Variants in VPS13A observed in about 807,000 individuals in gnomAD.
The protein encoded by VPS13A is intermembrane lipid transfer protein VPS13A.
VPS13A carries 264 observed loss-of-function variants against 390.9 expected under a neutral mutation model. The ratio of observed to expected loss-of-function variants is 0.68; its 90% CI spans 0.61 to 0.75. The LOEUF is 0.75. VPS13A is among the 30% of genes least tolerant of loss of function. The pLI is 0.00. For missense variants in VPS13A, 3,409 were observed against 3,733.9 expected (o/e 0.91, Z 2.27); for synonymous variants, 1,231 against 1,227.1 (o/e 1.00, Z -0.07).
chr9:77,232,306 T>G (rs780313167), intron 17 of VPS13A, among the ~76,000 whole-genome samples: 32 of 152,304 alleles, frequency 2.1e-4, no homozygotes, highest in Non-Finnish European at 4.1e-4. Context: ...AAAGTGTCTC[T>G]TTGAAATTTG....
intron 19 of VPS13A, among the ~76,000 whole-genome samples, chr9:77,242,653 C>G (rs561257956): frequency 6.6e-6 from 1 of 151,934 alleles, no homozygotes; most frequent in South Asian, 2.1e-4. Flanking sequence ...TACTTCTAGT[C>G]AGTTTTTCTT....
chr9:77,319,803 A>G (rs1564725821), intron 42 of VPS13A, 130 bp downstream of exon 42: 15 of 529,406 alleles, frequency 2.8e-5, no homozygotes, highest in South Asian at 9.0e-5. Flanking sequence ...TATACCACCT[A>G]CTTCTGCACA....
chr9:77,351,491 A>AG, intron 53 of VPS13A, 45 bp downstream of exon 53: 1 of 1,605,484 alleles, frequency 6.2e-7, no homozygotes, highest in Non-Finnish European at 8.5e-7. Context: ...CTTTTTTAAA[A>AG]AAGGTATTTG....
intron 31 of VPS13A, among the ~76,000 whole-genome samples, chr9:77,290,753 A>G (rs1395487857): frequency 6.6e-6 from 1 of 152,086 alleles, no homozygotes; most frequent in African/African-American, 2.4e-5. Context: ...CATTTATGTT[A>G]CCATGTTTTT....
At chr9:77,266,531 CTGT>C (rs1826046582) in intron 23 of VPS13A, among the ~76,000 whole-genome samples, 1 of 151,998 alleles carries the variant, frequency 6.6e-6, no homozygotes, top group South Asian at 2.1e-4. Flanking sequence ...GAGAGCTCTG[CTGT>C]TAGTCTGATG....
chr9:77,253,824 T>G (rs1056210436), intron 22 of VPS13A, among the ~76,000 whole-genome samples: 1 of 152,102 alleles, frequency 6.6e-6, no homozygotes, highest in Admixed American at 6.6e-5. Flanking sequence ...ATAAAGCTTT[T>G]CTTCTTTGTT....
rs1368834526 is a variant in VPS13A at position 77,321,227 on chromosome 9, A to G, written c.5474A>G (p.Lys1825Arg). The change falls in exon 43 of 72, where the codon AAA becomes AGA. Residue 1825 changes from lysine to arginine, a missense_variant. Physicochemically the swap from Lys to Arg is conservative, Grantham distance 26. Around this residue, in one of 5 missense-constraint regions of VPS13A, gnomAD observed 2,717 missense variants for 2,917.4 expected, o/e 0.93. Transcript: ENST00000360280. ...VESDPEEENY[K>R]VPEYKTVISF... Reference sequence around the variant, plus strand: ...TCAGATCCTGAAGAAGAAAACTACAAAGTGCCAGAATATAAAACTGTCATC... The same window carrying G: ...TCAGATCCTGAAGAAGAAAACTACAGAGTGCCAGAATATAAAACTGTCATC... 7 of 1,612,582 alleles carry G rather than the reference A, an allele frequency of 4.3e-6. No individual in the cohort carries two copies. The highest frequency in any genetic ancestry group is 5.9e-6 in the Non-Finnish European group (7 of 1,179,228).
intron 19 of VPS13A, among the ~76,000 whole-genome samples, chr9:77,245,871 C>G (rs1191645132): frequency 1.3e-5 from 2 of 152,194 alleles, no homozygotes; most frequent in Non-Finnish European, 2.9e-5. Context: ...AAGCATGACT[C>G]CAGCATCTGC....
Position 77,304,041 on chromosome 9 carries a change from C to T in VPS13A, c.3960+979C>T, listed in dbSNP as rs548020408. On this transcript the variant is annotated intron_variant, in intron 34 of 71. Transcript: ENST00000360280. ...TGGGGGACGGTCAGGTCTTTCTCAT[C>T]CCACGAGGCCATATTTCAGACTATC... Among the ~76,000 whole-genome samples, 4 of 152,238 alleles carry T rather than the reference C, an allele frequency of 2.6e-5. No homozygotes were observed. The East Asian group carries it at 7.7e-4, about 29-fold the overall frequency.
intron 68 of VPS13A, chr9:77,389,767 C>T (rs1833833655): frequency 6.6e-6 from 1 of 152,096 alleles, no homozygotes; most frequent in Non-Finnish European, 1.5e-5. Flanking sequence ...TTCATTGTGT[C>T]TGAATGTTGA....
intron 54 of VPS13A, among the ~76,000 whole-genome samples, chr9:77,354,794 C>T (rs1458590709): frequency 6.6e-6 from 1 of 152,120 alleles, no homozygotes; most frequent in Admixed American, 6.6e-5. Flanking sequence ...CTTCCAGAGA[C>T]CCATCTCACC....
intron 33 of VPS13A, among the ~76,000 whole-genome samples, chr9:77,298,228 A>G (rs954233473): frequency 3.9e-5 from 6 of 152,204 alleles, no homozygotes; most frequent in African/African-American, 1.4e-4. Flanking sequence ...AGTGGAATAT[A>G]TGTGCCTAGG....
Position 77,209,357 on chromosome 9 carries a change from A to G in VPS13A, c.386-66A>G, listed in dbSNP as rs990034892. On this transcript the variant is annotated intron_variant, in intron 5 of 71. Coordinates refer to ENST00000360280, the MANE Select transcript of VPS13A (RefSeq NM_033305.3). ...CAAGGCAACGTAAGCATGTTACTTC[A>G]GTATGTGGATATTTATAGAGTATAT... 6.4e-6 allele frequency: 7 copies of G among 1,100,890 alleles called. No homozygotes were observed. In the South Asian group the frequency reaches 6.7e-5, roughly 10 times the overall value. The allele number at this position is 1,100,890 out of a possible 1,614,324, so 68.2% of individuals were successfully genotyped here. A position where few individuals can be genotyped will look rare whatever the true frequency, so the allele number is the denominator to read the frequency against.
At chr9:77,231,888 A>C (rs551160938) in intron 17 of VPS13A, among the ~76,000 whole-genome samples, 1 of 152,284 alleles carries the variant, frequency 6.6e-6, no homozygotes, top group Non-Finnish European at 1.5e-5. Flanking sequence ...TCTGTCGCTT[A>C]CATATACGTT....
At chr9:77,240,340 AC>A (rs1201313473) in intron 19 of VPS13A, among the ~76,000 whole-genome samples, 1 of 146,232 alleles carries the variant, frequency 6.8e-6, no homozygotes, top group Non-Finnish European at 1.5e-5. Context: ...ATCCTCCTCG[AC>A]CTCCCAAAGT....
At chr9:77,200,528 G>A (rs1482493041) in intron 2 of VPS13A, among the ~76,000 whole-genome samples, 2 of 151,958 alleles carry the variant, frequency 1.3e-5, no homozygotes, top group African/African-American at 4.8e-5. Context: ...AAAAAATACA[G>A]ATGTTTTTAT....
chr9:77,382,488 ATTTGTTGGAAGCC>A lies in VPS13A; in HGVS notation c.9189+407_9189+419del. The stretch of plus-strand genomic sequence containing the variant: ...CTTAGTTCTGCACTGGATTTGCTAG[ATTTGTTGGAAGCC>A]TTTGTACCTTATGTATCCTCGTCAT... On this transcript the variant is annotated intron_variant, in intron 68 of 71. Transcript: ENST00000360280. 2.3e-6 allele frequency: 3 copies of A among 1,321,156 alleles called. No individual in the cohort carries two copies. In the South Asian group the frequency reaches 7.0e-5, roughly 31 times the overall value. The allele number at this position is 1,321,156 out of a possible 1,614,324, so 81.8% of individuals were successfully genotyped here. A position where few individuals can be genotyped will look rare whatever the true frequency, so the allele number is the denominator to read the frequency against.
intron 10 of VPS13A, among the ~76,000 whole-genome samples, chr9:77,218,644 C>CTT (rs200685101): frequency 0.015 from 1,943 of 132,050 alleles, 44 homozygotes; most frequent in African/African-American, 0.05. Context: ...AGAACATTGC[C>CTT]TTTTTTTTTT....
chr9:77,398,585 A>G (rs1834217548), intron 68 of VPS13A, among the ~76,000 whole-genome samples: 1 of 152,186 alleles, frequency 6.6e-6, no homozygotes, highest in Admixed American at 6.5e-5. Flanking sequence ...TAATGCATTC[A>G]TAAAGTCAGG....
Sources: gnomAD v4.1 joint callset for allele counts (sites outside exome capture counted in the v4.1 genomes callset) on GRCh38, gnomAD v4.1.1 for gene constraint, gnomAD v4.1.1 regional missense constraint, MANE v1.5 for transcripts, NCBI Gene and HGNC (gene_info 2026-07-23, HGNC 2026-07-21) for gene names.